Variants in SHANK2 observed in about 807,000 individuals in gnomAD.
SHANK2 encodes SH3 and multiple ankyrin repeat domains 2, also known as SH3 and multiple ankyrin repeat domains protein 2.
In SHANK2, 43 loss-of-function variants were observed where a neutral mutation model predicts 133.7. The observed-to-expected ratio is 0.32, with a 90% CI of 0.25 to 0.41. The LOEUF is 0.41. Among genes scored for constraint, SHANK2 ranks in the 10% least tolerant of loss-of-function variants. SHANK2 has a pLI of 1.00. For missense variants in SHANK2, 1,994 were observed against 2,235.8 expected (o/e 0.89, Z 2.18); for synonymous variants, 1,017 against 952.8 (o/e 1.07, Z -1.24).
intron 2 of SHANK2, among the ~76,000 whole-genome samples, chr11:71,155,155 A>G (rs7952322): frequency 0.53 from 11,890 of 22,472 alleles, 4,070 homozygotes; most frequent in African/African-American, 0.75. Context: ...CCGGAGGAGG[A>G]GTGGACCTAC....
intron 17 of SHANK2, among the ~76,000 whole-genome samples, chr11:70,541,039 C>T (rs115640912): frequency 5.8e-4 from 88 of 152,188 alleles, no homozygotes; most frequent in African/African-American, 2.1e-3. Flanking sequence ...CCATGGACTT[C>T]GCTACTCTAG....
chr11:70,782,877 G>A (rs1591839930), intron 14 of SHANK2, among the ~76,000 whole-genome samples: 1 of 152,334 alleles, frequency 6.6e-6, no homozygotes, highest in Non-Finnish European at 1.5e-5. Context: ...TCAGTAGTGA[G>A]CTGGTGACAC....
intron 17 of SHANK2, among the ~76,000 whole-genome samples, chr11:70,629,708 C>T (rs782220046): frequency 1.3e-4 from 20 of 152,156 alleles, no homozygotes; most frequent in African/African-American, 2.2e-4. Flanking sequence ...GCCAGAGGCA[C>T]GGGACACCAG....
intron 3 of SHANK2, among the ~76,000 whole-genome samples, chr11:71,133,213 G>C (rs1248631212): frequency 6.6e-6 from 1 of 151,416 alleles, no homozygotes; most frequent in Admixed American, 6.6e-5. Flanking sequence ...TGGGTAGGTG[G>C]GTGGCTGGGT....
chr11:71,199,286 G>A (rs188098925), intron 2 of SHANK2, among the ~76,000 whole-genome samples: 1,820 of 152,334 alleles, frequency 0.012, 21 homozygotes, highest in Non-Finnish European at 0.018. Context: ...ATCCACAGAA[G>A]TCAGCCTCTG....
chr11:70,587,030 T>A (rs1591615193), intron 17 of SHANK2, among the ~76,000 whole-genome samples: 1 of 152,032 alleles, frequency 6.6e-6, no homozygotes, highest in Non-Finnish European at 1.5e-5. Flanking sequence ...TACAGACACA[T>A]GCCAGTGCTC....
chr11:71,072,286 C>A (rs1303521443), intron 9 of SHANK2, among the ~76,000 whole-genome samples: 1 of 152,106 alleles, frequency 6.6e-6, no homozygotes, highest in Non-Finnish European at 1.5e-5. Context: ...GGACCAGCAG[C>A]CTCCTGCGGG....
chr11:70,660,703 A>ACAGACAGG (rs2061473271), intron 16 of SHANK2, among the ~76,000 whole-genome samples: 1 of 152,226 alleles, frequency 6.6e-6, no homozygotes. Context: ...AGCAAATCAC[A>ACAGACAGG]CAGACAGGCG....
chr11:70,662,349 C>G (rs1944572506), intron 15 of SHANK2, among the ~76,000 whole-genome samples: 1 of 152,216 alleles, frequency 6.6e-6, no homozygotes. Flanking sequence ...ATCTGACGAG[C>G]CCACAGTGCG....
intron 15 of SHANK2, among the ~76,000 whole-genome samples, chr11:70,695,988 T>C (rs557127134): frequency 7.2e-6 from 1 of 139,268 alleles, no homozygotes; most frequent in South Asian, 2.3e-4. Context: ...GTTCCTCCTC[T>C]CTGAGGTGAG....
intron 17 of SHANK2, among the ~76,000 whole-genome samples, chr11:70,602,349 G>A (rs1246279884): frequency 6.6e-6 from 1 of 152,238 alleles, no homozygotes; most frequent in Non-Finnish European, 1.5e-5. Context: ...CCTGCAGAGA[G>A]GTCTCGGCCT....
At chr11:70,720,748 T>TAC (rs71908599) in intron 14 of SHANK2, among the ~76,000 whole-genome samples, 1 of 149,420 alleles carries the variant, frequency 6.7e-6, no homozygotes, top group Admixed American at 6.6e-5. Flanking sequence ...CATGTGAACA[T>TAC]ACACACACAC....
At chr11:70,737,755 C>T (rs34543282) in intron 14 of SHANK2, among the ~76,000 whole-genome samples, 14 of 152,292 alleles carry the variant, frequency 9.2e-5, no homozygotes, top group African/African-American at 2.6e-4. Flanking sequence ...ACCCTTACAT[C>T]GCAAACATTT....
intron 10 of SHANK2, chr11:70,948,424 T>C: frequency 2.2e-6 from 1 of 455,810 alleles, no homozygotes; most frequent in South Asian, 1.5e-5. Context: ...ATTCGATCCC[T>C]GATTACTTTT....
At chr11:70,802,420 C>A (rs1948066554) in intron 13 of SHANK2, among the ~76,000 whole-genome samples, 1 of 152,160 alleles carries the variant, frequency 6.6e-6, no homozygotes, top group South Asian at 2.1e-4. Context: ...TCCGACCCCG[C>A]TGCTACACTC....
rs577561960 is a variant in SHANK2 at position 70,605,318 on chromosome 11, G to A, written c.2061+54510C>T. Among the ~76,000 whole-genome samples, 19 of 152,348 alleles carry A rather than the reference G, an allele frequency of 1.2e-4. No individual in the cohort carries two copies. The East Asian group carries it at 1.9e-3, about 15-fold the overall frequency. On this transcript the variant is annotated intron_variant, in intron 17 of 25. Coordinates refer to ENST00000601538, the MANE Select transcript of SHANK2 (RefSeq NM_012309.5). The stretch of plus-strand genomic sequence containing the variant: ...AGTGAAGCCTCCTGCAGCCCAGCCC[G>A]GAGACAGCCTGGCTGGCCACGCCCA...
chr11:70,744,865 G>A (rs113585216), intron 14 of SHANK2, among the ~76,000 whole-genome samples: 2 of 152,188 alleles, frequency 1.3e-5, no homozygotes, highest in East Asian at 1.9e-4. Flanking sequence ...CCTCTTGAGC[G>A]ATAAGCACTG....
intron 2 of SHANK2, among the ~76,000 whole-genome samples, chr11:71,164,484 C>T (rs1555110430): frequency 1.3e-5 from 2 of 152,176 alleles, no homozygotes; most frequent in East Asian, 3.9e-4. Flanking sequence ...GGGCTGACCG[C>T]AGGGTGACCC....
intron 3 of SHANK2, among the ~76,000 whole-genome samples, chr11:71,120,609 C>T (rs1212856765): frequency 6.6e-6 from 1 of 152,216 alleles, no homozygotes; most frequent in Non-Finnish European, 1.5e-5. Flanking sequence ...AAAGGCTGAG[C>T]TCACGTGTGG....
Sources: gnomAD v4.1 joint callset for allele counts (sites outside exome capture counted in the v4.1 genomes callset) on GRCh38, gnomAD v4.1.1 for gene constraint, MANE v1.5 for transcripts, NCBI Gene and HGNC (gene_info 2026-07-23, HGNC 2026-07-21) for gene names.